The following RBPJL variants were observed in gnomAD, a reference collection of about 807,000 sequenced individuals.
The protein encoded by RBPJL is recombination signal binding protein for immunoglobulin kappa J region like.
Under a neutral mutation model 57.6 loss-of-function variants are expected in RBPJL, and 50 were observed. The ratio of observed to expected loss-of-function variants is 0.87; its 90% CI spans 0.69 to 1.10. The LOEUF (loss-of-function observed/expected upper bound fraction) is 1.10. RBPJL is among the 50% of genes least tolerant of loss of function. RBPJL has a pLI of 0.00. For missense variants in RBPJL, 684 were observed against 693.7 expected, an observed-to-expected ratio of 0.99 and a Z score of 0.16; for synonymous variants, 303 against 294.4, an observed-to-expected ratio of 1.03 and a Z score of -0.30.
chr20:45,315,805 AAAAG>A (rs372006966), intron 9 of RBPJL: 188 of 162,434 alleles, frequency 1.2e-3, no homozygotes, highest in Middle Eastern at 3.0e-3. Context: ...GAGAGAAAGA[AAAAG>A]AAAGAAAGAA....
At chr20:45,310,979 G>A (rs1987132965) in intron 3 of RBPJL, among the ~76,000 whole-genome samples, 2 of 151,852 alleles carry the variant, frequency 1.3e-5, no homozygotes, top group African/African-American at 4.8e-5. Flanking sequence ...TGGGTGTGGT[G>A]GCTTGTGTCT....
intron 6 of RBPJL, among the ~76,000 whole-genome samples, chr20:45,313,161 C>T (rs78861734): frequency 0.021 from 3,260 of 152,248 alleles, 76 homozygotes; most frequent in African/African-American, 0.06. Context: ...CCTGTGGGCA[C>T]ATTAGCCAGG....
At position 45,308,205 on chromosome 20, in the gene RBPJL, CT is replaced by C; in HGVS notation, c.86del (p.Leu29ArgfsTer25). On this transcript the variant is annotated frameshift_variant, in exon 2 of 12. Transcript: ENST00000343694. LOFTEE classifies it high-confidence loss of function. Reference protein sequence around the residue: ...LSLQDRSEMQLQSEADRRSLP... With the variant: ...LSLQDRSEMQXQSEADRRSLP... ...CCTGCAGGACAGATCAGAGATGCAG[CT>C]GCAGAGCGAAGCCGACAGGCGGAGC... The C allele has an allele frequency of 1.2e-6, 2 of 1,614,096 alleles. No individual in the cohort carries two copies.
At chr20:45,316,118 C>T (rs1987451070) in intron 9 of RBPJL, 69 bp from the exon 10 acceptor site, 1 of 1,522,580 alleles carries the variant, frequency 6.6e-7, no homozygotes, top group Admixed American at 1.7e-5. Context: ...GCCCACGCGC[C>T]ATGCTGGCTC....
At chr20:45,311,537 G>T in intron 3 of RBPJL, 52 bp from the exon 4 acceptor site, 1 of 1,572,320 alleles carries the variant, frequency 6.4e-7, no homozygotes, top group South Asian at 1.1e-5. Context: ...GTGCTTACAG[G>T]AGAGCCAAGT....
At chr20:45,311,780 C>T in intron 4 of RBPJL, 59 bp from the exon 5 acceptor site, 3 of 1,532,844 alleles carry the variant, frequency 2.0e-6, no homozygotes, top group Non-Finnish European at 2.7e-6. Flanking sequence ...GAGCGCTAAG[C>T]TTGCCTGGCA....
At chr20:45,311,738 G>A (rs1461084390) in intron 4 of RBPJL, 79 bp downstream of exon 4, 8 of 1,565,620 alleles carry the variant, frequency 5.1e-6, no homozygotes, top group African/African-American at 2.7e-5. Flanking sequence ...GGGGCGGTTC[G>A]CAGGCGCAGT....
intron 7 of RBPJL, 80 bp downstream of exon 7, chr20:45,313,685 A>G (rs1987312120): frequency 7.2e-7 from 1 of 1,386,756 alleles, no homozygotes; most frequent in East Asian, 2.5e-5. Context: ...TCCTTAAGGA[A>G]GGTAAACTCT....
chr20:45,317,074 CTG>C lies in RBPJL; in HGVS notation c.*116_*117del. The C allele has an allele frequency of 7.6e-7, 1 of 1,311,896 alleles. No individual in the cohort carries two copies. The highest frequency in any genetic ancestry group is 1.0e-6 in the Non-Finnish European group (1 of 960,498). The allele number at this position is 1,311,896 out of a possible 1,614,324, so 81.3% of individuals were successfully genotyped here. ...TTGCCCCTTTGCTGCAGAAGGGCAG[CTG>C]AAGGCTCACCCTAGAAACCGGGCCT... On this transcript the variant is annotated 3_prime_UTR_variant, in exon 12 of 12. Coordinates refer to ENST00000343694, the MANE Select transcript of RBPJL (RefSeq NM_014276.4).
intron 9 of RBPJL, among the ~76,000 whole-genome samples, chr20:45,315,255 G>A (rs1987394078): frequency 6.6e-6 from 1 of 152,018 alleles, no homozygotes; most frequent in Admixed American, 6.5e-5. Flanking sequence ...TTAAGCAGTA[G>A]TACTCCCAAA....
At chr20:45,313,405 C>T in intron 6 of RBPJL, 63 bp from the exon 7 acceptor site, 1 of 1,414,216 alleles carries the variant, frequency 7.1e-7, no homozygotes, top group Non-Finnish European at 9.6e-7. Flanking sequence ...TAACCCTAAC[C>T]CTATCCCCTC....
Position 45,311,822 on chromosome 20 carries a change from T to C in RBPJL, c.329-17T>C. On this transcript the variant is annotated splice_polypyrimidine_tract_variant and intron_variant, in intron 4 of 11. Coordinates refer to ENST00000343694, the MANE Select transcript of RBPJL (RefSeq NM_014276.4). ...TCCTCCCGAGTCCTTGCAGAGCCAG[T>C]TCGCGTCCCTTTCCAGCTCACCAGG... The C allele has an allele frequency of 6.5e-7, 1 of 1,547,448 alleles. No homozygotes were observed. The highest frequency in any genetic ancestry group is 8.8e-7 in the Non-Finnish European group (1 of 1,142,772).
chr20:45,312,142 G>C, intron 5 of RBPJL, 79 bp from the exon 6 acceptor site: 1 of 1,600,586 alleles, frequency 6.2e-7, no homozygotes, highest in Non-Finnish European at 8.5e-7. Context: ...CGGGGCGGAC[G>C]TCCGATATCT....
Position 45,314,018 on chromosome 20 carries a change from CT to C in RBPJL, c.758-10del. The C allele has an allele frequency of 3.1e-6, 5 of 1,595,694 alleles. No individual in the cohort carries two copies. The highest frequency in any genetic ancestry group is 2.2e-5 in the East Asian group (1 of 44,746). ...GGGCCGCTGAAAACCTTGTCCCTTG[CT>C]TTTTTTGTCCCCCAGCTGATGGGCA... is the stretch of plus-strand genomic sequence containing the variant. On this transcript the variant is annotated splice_polypyrimidine_tract_variant and intron_variant, in intron 7 of 11. Coordinates refer to ENST00000343694, the MANE Select transcript of RBPJL (RefSeq NM_014276.4).
At chr20:45,313,003 A>G (rs1246152427) in intron 6 of RBPJL, among the ~76,000 whole-genome samples, 6 of 110,256 alleles carry the variant, frequency 5.4e-5, no homozygotes, top group Admixed American at 3.9e-4. Flanking sequence ...GTGAGATGCT[A>G]TCTCAAAAAA....
chr20:45,314,316 T>C, intron 8 of RBPJL, 97 bp from the exon 9 acceptor site: 1 of 1,403,816 alleles, frequency 7.1e-7, no homozygotes, highest in Admixed American at 1.8e-5. Flanking sequence ...TGCTAGTGCC[T>C]GTGTGGCTAT....
chr20:45,317,115 C>T lies in RBPJL; in HGVS notation c.*156C>T, dbSNP rs1171359243. The T allele has an allele frequency of 3.8e-6, 3 of 799,718 alleles. No individual in the cohort carries two copies. Among genetic ancestry groups the T allele is most frequent in the South Asian group, 1.8e-5 (1 of 57,070 alleles). 49.5% of individuals were successfully genotyped at this position (799,718 alleles called of 1,614,324 possible). A position where few individuals can be genotyped will look rare whatever the true frequency, so the allele number is the denominator to read the frequency against. On this transcript the variant is annotated 3_prime_UTR_variant, in exon 12 of 12. Transcript: ENST00000343694. The stretch of plus-strand genomic sequence containing the variant: ...GAAACCGGGCCTGGTGGGTCTTACC[C>T]GGCTCACTCCCTCCCTTGTCCTTAC...
In RBPJL at chr20:45,316,853, C is replaced by G; in HGVS notation, c.1448C>G (p.Pro483Arg). 2 of 1,613,920 alleles carry G rather than the reference C, an allele frequency of 1.2e-6. No individual in the cohort carries two copies. The highest frequency in any genetic ancestry group is 1.7e-6 in the Non-Finnish European group (2 of 1,179,856). ...TACACCCCGGAATACAGCGTGCGGCCGGGTCACCCCGGCGTCCCCGAGCCC... is the reference window on the plus strand; with the variant it reads ...TACACCCCGGAATACAGCGTGCGGCGGGGTCACCCCGGCGTCCCCGAGCCC... Reference protein sequence around the residue: ...FTYTPEYSVRPGHPGVPEPAT... With the variant: ...FTYTPEYSVRRGHPGVPEPAT... Residue 483 changes from proline to arginine, a missense_variant, in exon 12 of 12, where the codon CCG (proline) becomes CGG (arginine). By Grantham distance (103) the Pro-to-Arg change is moderately radical (BLOSUM62 -2). Transcript: ENST00000343694.
chr20:45,309,463 A>C, intron 2 of RBPJL, 104 bp from the exon 3 acceptor site: 1 of 1,286,372 alleles, frequency 7.8e-7, no homozygotes, highest in Non-Finnish European at 1.1e-6. Context: ...CACTCACTCT[A>C]ACCCCCTGCT....
Sources: gnomAD v4.1 joint callset for allele counts (sites outside exome capture counted in the v4.1 genomes callset) on GRCh38, gnomAD v4.1.1 for gene constraint, MANE v1.5 for transcripts, NCBI Gene and HGNC (gene_info 2026-07-23, HGNC 2026-07-21) for gene names.